Variants in PRTG observed in about 807,000 individuals in gnomAD.
PRTG encodes the protein immunoglobulin superfamily, DCC subclass, member 5.
PRTG carries 67 observed loss-of-function variants against 122.5 expected under a neutral mutation model. The observed-to-expected ratio is 0.55, with a 90% CI of 0.45 to 0.67. The LOEUF (loss-of-function observed/expected upper bound fraction) is 0.67. PRTG is among the 30% of genes least tolerant of loss of function. PRTG has a pLI of 0.00. For missense variants in PRTG, 1,435 were observed against 1,415.4 expected (o/e 1.01, Z -0.22); for synonymous variants, 554 against 501.1 (o/e 1.11, Z -1.41).
At chr15:55,717,632 T>C (rs1237973522) in intron 2 of PRTG, among the ~76,000 whole-genome samples, 1 of 152,238 alleles carries the variant, frequency 6.6e-6, no homozygotes, top group African/African-American at 2.4e-5. Context: ...TGGGACACAA[T>C]ACATTTGAAA....
chr15:55,678,711 TA>T (rs1398285547), intron 7 of PRTG, among the ~76,000 whole-genome samples: 2 of 152,224 alleles, frequency 1.3e-5, no homozygotes, highest in Non-Finnish European at 2.9e-5. Context: ...GGTAACAACT[TA>T]TTTTTTTAAA....
intron 2 of PRTG, among the ~76,000 whole-genome samples, chr15:55,687,743 T>G (rs1346892610): frequency 6.6e-6 from 1 of 152,226 alleles, no homozygotes; most frequent in African/African-American, 2.4e-5. Flanking sequence ...CACAAACACC[T>G]TTATATTTAA....
Position 55,742,943 on chromosome 15 carries a change from G to C in PRTG, c.-12C>G. On this transcript the variant is annotated 5_prime_UTR_variant, in exon 1 of 20. Coordinates refer to ENST00000389286, the MANE Select transcript of PRTG (RefSeq NM_173814.6). ...AGAGGAGGCGCCATTCAGCGTAGCC[G>C]CGCGGGCATGCTCCCCGGCCGCCCA... The C allele has an allele frequency of 6.6e-7, 1 of 1,509,314 alleles. No homozygotes were observed. Among genetic ancestry groups the C allele is most frequent in the Non-Finnish European group, 8.9e-7 (1 of 1,128,690 alleles). 93.5% of individuals were successfully genotyped at this position (1,509,314 alleles called of 1,614,324 possible).
intron 2 of PRTG, among the ~76,000 whole-genome samples, chr15:55,690,867 T>G (rs1380376347): frequency 6.6e-6 from 1 of 152,202 alleles, no homozygotes; most frequent in Non-Finnish European, 1.5e-5. Flanking sequence ...AATTTTCAGT[T>G]AAGGAAACTG....
chr15:55,623,736 T>A (rs560081347), intron 18 of PRTG, among the ~76,000 whole-genome samples: 8 of 152,338 alleles, frequency 5.3e-5, no homozygotes, highest in African/African-American at 1.9e-4. Context: ...AAAATAATTT[T>A]AAAAGTTATT....
intron 11 of PRTG, among the ~76,000 whole-genome samples, chr15:55,641,419 C>T (rs1315097007): frequency 2.6e-5 from 4 of 152,156 alleles, no homozygotes; most frequent in Non-Finnish European, 5.9e-5. Flanking sequence ...TTTTACTTTA[C>T]TTAATCTAAT....
intron 2 of PRTG, among the ~76,000 whole-genome samples, chr15:55,718,370 T>G (rs1428293188): frequency 6.6e-6 from 1 of 151,956 alleles, no homozygotes; most frequent in African/African-American, 2.4e-5. Flanking sequence ...ATCCCAAATC[T>G]TCCTTGTTTC....
intron 2 of PRTG, among the ~76,000 whole-genome samples, chr15:55,732,714 G>A (rs1406627819): frequency 5.3e-5 from 8 of 151,822 alleles, no homozygotes; most frequent in East Asian, 1.9e-4. Flanking sequence ...GGCTGGTCTC[G>A]AACTCCCAAC....
At chr15:55,679,593 C>A in intron 6 of PRTG, 148 bp from the exon 7 acceptor site, 1 of 592,332 alleles carries the variant, frequency 1.7e-6, no homozygotes, top group Admixed American at 3.2e-5. Flanking sequence ...TACATCTCTC[C>A]AGGTGCCTTT....
intron 2 of PRTG, among the ~76,000 whole-genome samples, chr15:55,725,650 GTCCT>G (rs2031004164): frequency 6.6e-6 from 1 of 151,924 alleles, no homozygotes; most frequent in South Asian, 2.1e-4. Context: ...AATGGCAGAA[GTCCT>G]TCCTTATCAG....
At chr15:55,640,372 T>C (rs552845668) in intron 12 of PRTG, among the ~76,000 whole-genome samples, 2 of 152,328 alleles carry the variant, frequency 1.3e-5, no homozygotes, top group East Asian at 1.9e-4. Flanking sequence ...CACTGTCACA[T>C]ATGTGGTCCA....
chr15:55,626,651 G>T (rs933031900), intron 17 of PRTG, among the ~76,000 whole-genome samples: 3 of 150,998 alleles, frequency 2.0e-5, no homozygotes, highest in Non-Finnish European at 4.4e-5. Context: ...CCAGCTACTC[G>T]AGAGACTGAG....
At chr15:55,712,455 T>C (rs1408938696) in intron 2 of PRTG, among the ~76,000 whole-genome samples, 1 of 152,220 alleles carries the variant, frequency 6.6e-6, no homozygotes, top group Non-Finnish European at 1.5e-5. Context: ...TTGATTTCTT[T>C]GGGTATTACT....
Position 55,708,148 on chromosome 15 carries a change from T to TAAAAAAAAAAAAAAA in PRTG, c.398-24232_398-24218dup, listed in dbSNP as rs35216342. ...CCTGTGGAAAGGAGGAGTAAGCTGGTAAAAAAAAAAAAAAAAAAAAAAAAA... is the reference window on the plus strand; with the variant it reads ...CCTGTGGAAAGGAGGAGTAAGCTGGTAAAAAAAAAAAAAAAAAAAAAAAAAAAAAAAAAAAAAAAA... On this transcript the variant is annotated intron_variant, in intron 2 of 19. Coordinates refer to ENST00000389286, the MANE Select transcript of PRTG (RefSeq NM_173814.6). 2.9e-4 allele frequency among the ~76,000 whole-genome samples: 20 copies of TAAAAAAAAAAAAAAA among 70,028 alleles called. 4 individuals carry two copies. Among genetic ancestry groups the TAAAAAAAAAAAAAAA allele is most frequent in the Middle Eastern group, 0.019 (2 of 106 alleles). The allele number at this position is 70,028 out of a possible 152,430, so 45.9% of individuals were successfully genotyped here.
chr15:55,622,381 C>G (rs927682531), intron 18 of PRTG, among the ~76,000 whole-genome samples: 5 of 100,914 alleles, frequency 5.0e-5, no homozygotes, highest in African/African-American at 1.9e-4. Context: ...TCACACCCAG[C>G]TAATTTTTTT....
At chr15:55,632,363 T>C (rs1461558638) in intron 15 of PRTG, among the ~76,000 whole-genome samples, 3 of 152,150 alleles carry the variant, frequency 2.0e-5, no homozygotes. Flanking sequence ...AACTCTCACA[T>C]GGACACCTGC....
In PRTG at chr15:55,628,994, G is replaced by A. The variant is rs1595603323; in HGVS notation, c.2634C>T (p.Thr878=). 1 of 1,606,742 alleles carries A rather than the reference G, an allele frequency of 6.2e-7. No homozygotes were observed. Among genetic ancestry groups the A allele is most frequent in the East Asian group, 2.2e-5 (1 of 44,808 alleles). Residue 878 remains threonine (T), a synonymous_variant, in exon 16 of 20, where the codon ACC becomes ACT. Transcript: ENST00000389286. ...WQVLHREGAI[T]MALLENLVAG... is the part of the protein sequence containing the mutation. ...CTACCAAGTTTTCTAGCAAAGCCAT[G>A]GTTATTGCCCCTAGAAATACATCAA...
At chr15:55,722,538 T>C (rs55874929) in intron 2 of PRTG, among the ~76,000 whole-genome samples, 55,186 of 152,126 alleles carry the variant, frequency 0.36, 12,659 homozygotes, top group Non-Finnish European at 0.52. Flanking sequence ...CCAAGGGCCC[T>C]GAAAAATCTC....
chr15:55,666,514 G>A lies in PRTG; in HGVS notation c.2041+5931C>T, dbSNP rs926846934. ...GGTCTAGATCTTTACTTCTCAAAGT[G>A]GGCAGAAATGCAAAAATTTCAGGCC... is the stretch of plus-strand genomic sequence containing the variant. On this transcript the variant is annotated intron_variant, in intron 11 of 19. Coordinates refer to ENST00000389286, the MANE Select transcript of PRTG (RefSeq NM_173814.6). Among the ~76,000 whole-genome samples the A allele has an allele frequency of 2.0e-5, 3 of 152,130 alleles. No individual in the cohort carries two copies. In the South Asian group the frequency reaches 6.2e-4, roughly 31 times the overall value.
Sources: gnomAD v4.1 joint callset for allele counts (sites outside exome capture counted in the v4.1 genomes callset) on GRCh38, gnomAD v4.1.1 for gene constraint, MANE v1.5 for transcripts, NCBI Gene and HGNC (gene_info 2026-07-23, HGNC 2026-07-21) for gene names.